The following RBFOX1 variants were observed in gnomAD, a reference collection of about 807,000 sequenced individuals.
RBFOX1 encodes RNA binding protein fox-1 homolog 1.
RBFOX1 carries 8 observed loss-of-function variants against 57.7 expected under a neutral mutation model. The observed-to-expected ratio is 0.14, with a 90% CI of 0.08 to 0.25. The LOEUF is 0.25. Ranked by LOEUF, RBFOX1 falls within the 10% of genes least tolerant of loss-of-function variation. RBFOX1 has a pLI of 1.00. For missense variants in RBFOX1, 611 were observed against 548.5 expected (o/e 1.11, Z -1.14); for synonymous variants, 326 against 222.4 (o/e 1.47, Z -4.15).
At chr16:6,669,841 C>T (rs2098753196) in intron 3 of RBFOX1, among the ~76,000 whole-genome samples, 1 of 152,132 alleles carries the variant, frequency 6.6e-6, no homozygotes, top group South Asian at 2.1e-4. Context: ...TCACCATGAG[C>T]CAGGCAGGCA....
rs146072038 is a variant in RBFOX1, at chr16:6,290,103, G to A, written c.-126-26892G>A. Among the ~76,000 whole-genome samples the A allele has an allele frequency of 3.8e-3, 575 of 152,014 alleles. 1 individual carries two copies. Among genetic ancestry groups the A allele is most frequent in the African/African-American group, 0.013 (549 of 41,496 alleles). On this transcript the variant is annotated intron_variant, in intron 1 of 15. Transcript: ENST00000550418. Reference sequence around the variant, plus strand: ...AGCATTTTTTGACAGTGGAGGAGGAGGGGTATGTAGCTTGGATCGTTGTAT... The same window carrying A: ...AGCATTTTTTGACAGTGGAGGAGGAAGGGTATGTAGCTTGGATCGTTGTAT...
At chr16:7,230,112 A>G (rs1197143630) in intron 4 of RBFOX1, among the ~76,000 whole-genome samples, 2 of 148,642 alleles carry the variant, frequency 1.3e-5, no homozygotes, top group East Asian at 4.1e-4. Flanking sequence ...GAAGGAAGGG[A>G]GAGATGGAAA....
chr16:5,546,341 C>G (rs1328904651), intron 2 of RBFOX1, among the ~76,000 whole-genome samples: 1 of 151,996 alleles, frequency 6.6e-6, no homozygotes, highest in East Asian at 1.9e-4. Flanking sequence ...TTTATACAGA[C>G]AATGAAAGAC....
chr16:5,931,474 G>A (rs1042224952), intron 4 of RBFOX1, among the ~76,000 whole-genome samples: 6 of 152,122 alleles, frequency 3.9e-5, no homozygotes, highest in Admixed American at 3.3e-4. Context: ...AACAGAGAAG[G>A]AGAGTGGTTT....
At chr16:5,926,417 TG>T (rs1435167387) in intron 4 of RBFOX1, among the ~76,000 whole-genome samples, 1 of 152,044 alleles carries the variant, frequency 6.6e-6, no homozygotes, top group Non-Finnish European at 1.5e-5. Flanking sequence ...AGTTGTTAGC[TG>T]ACTGGGGGGT....
chr16:6,345,977 A>G (rs527500234), intron 2 of RBFOX1, among the ~76,000 whole-genome samples: 1 of 152,198 alleles, frequency 6.6e-6, no homozygotes, highest in South Asian at 2.1e-4. Flanking sequence ...GGGGGATTCC[A>G]GGTCACAGAT....
intron 1 of RBFOX1, among the ~76,000 whole-genome samples, chr16:6,189,154 T>C (rs1466163649): frequency 1.3e-5 from 2 of 152,246 alleles, no homozygotes; most frequent in Admixed American, 6.5e-5. Context: ...GCAATTGTTT[T>C]GCTTACCAGC....
At chr16:7,697,899 G>C (rs1245990419) in intron 14 of RBFOX1, among the ~76,000 whole-genome samples, 1 of 152,158 alleles carries the variant, frequency 6.6e-6, no homozygotes, top group East Asian at 1.9e-4. Context: ...TGTTCCACTG[G>C]AATTTTATTT....
chr16:7,709,092 C>T lies in RBFOX1; in HGVS notation c.1032C>T (p.His344=), dbSNP rs534312610. ...GRVYAADPYH[H]ALAPAPTYGV... ...TTTATGCTGCCGACCCCTACCACCA[C>T]GCACTTGCTCCAGCCCCCACCTACG... The change falls in exon 15 of 16, where the codon CAC becomes CAT. Residue 344 remains histidine, a synonymous_variant. Transcript: ENST00000550418. The T allele has an allele frequency of 3.0e-5, 48 of 1,613,632 alleles. No homozygotes were observed. In the East Asian group the frequency reaches 4.0e-4, roughly 13 times the overall value.
At chr16:7,452,249 G>C (rs946738068) in intron 4 of RBFOX1, among the ~76,000 whole-genome samples, 1 of 152,216 alleles carries the variant, frequency 6.6e-6, no homozygotes, top group East Asian at 1.9e-4. Context: ...AAGCACTTTA[G>C]TAATAGTCTA....
intron 3 of RBFOX1, among the ~76,000 whole-genome samples, chr16:6,874,750 A>G (rs1436792561): frequency 6.6e-6 from 1 of 152,030 alleles, no homozygotes; most frequent in Non-Finnish European, 1.5e-5. Flanking sequence ...ATAAAAAATG[A>G]CATAATGTAC....
At chr16:6,215,386 G>C in intron 1 of RBFOX1, among the ~76,000 whole-genome samples, 1 of 146,086 alleles carries the variant, frequency 6.8e-6, no homozygotes, top group East Asian at 2.1e-4. Flanking sequence ...GAGAGCAGGA[G>C]AGACAGAAGA....
At position 5,936,192 on chromosome 16, in the gene RBFOX1, T is replaced by A. The variant is rs938547613; in HGVS notation, c.351+68857T>A. On this transcript the variant is annotated intron_variant, in intron 4 of 19. Coordinates refer to the RBFOX1 transcript ENST00000641259. Reference sequence around the variant, plus strand: ...AGGCTGGAGTGCCGTGGCGTGATCTTGGCTCACTGCAACTTCTGTCTCCCA... The same window carrying A: ...AGGCTGGAGTGCCGTGGCGTGATCTAGGCTCACTGCAACTTCTGTCTCCCA... 1.1e-4 allele frequency among the ~76,000 whole-genome samples: 17 copies of A among 152,158 alleles called. 1 individual carries two copies. Among genetic ancestry groups the A allele is most frequent in the Admixed American group, 8.5e-4 (13 of 15,276 alleles).
chr16:7,304,304 A>T (rs940649456), intron 4 of RBFOX1: 2 of 985,130 alleles, frequency 2.0e-6, no homozygotes, highest in African/African-American at 3.5e-5. Flanking sequence ...AAAGAAAAAA[A>T]AAAATTGTAG....
chr16:6,219,966 A>C (rs906483589), intron 1 of RBFOX1, among the ~76,000 whole-genome samples: 1 of 152,198 alleles, frequency 6.6e-6, no homozygotes, highest in African/African-American at 2.4e-5. Context: ...ATGTAACATA[A>C]GTATTCAGTA....
chr16:5,898,784 A>T (rs751291930), intron 4 of RBFOX1, among the ~76,000 whole-genome samples: 7 of 151,916 alleles, frequency 4.6e-5, no homozygotes, highest in Non-Finnish European at 8.8e-5. Flanking sequence ...TACTGGTTGC[A>T]CACAGTGGCT....
At chr16:7,572,276 T>C (rs2092863239) in intron 5 of RBFOX1, among the ~76,000 whole-genome samples, 1 of 152,216 alleles carries the variant, frequency 6.6e-6, no homozygotes, top group Non-Finnish European at 1.5e-5. Flanking sequence ...ATTTTATGTA[T>C]ATGCAAATGG....
chr16:6,949,792 T>C (rs2080315830), intron 3 of RBFOX1, among the ~76,000 whole-genome samples: 1 of 147,794 alleles, frequency 6.8e-6, no homozygotes. Flanking sequence ...TTCATTTTCT[T>C]CTGAATTTTT....
chr16:5,712,541 C>T (rs564352288), intron 3 of RBFOX1, among the ~76,000 whole-genome samples: 9 of 152,270 alleles, frequency 5.9e-5, no homozygotes, highest in Middle Eastern at 3.4e-3. Context: ...TGACTGTTAG[C>T]GGCTGGTGTT....
Sources: allele counts gnomAD v4.1 joint callset (sites outside exome capture counted in the v4.1 genomes callset), GRCh38; gene constraint gnomAD v4.1.1; transcripts MANE v1.5; gene names NCBI Gene and HGNC (gene_info 2026-07-23, HGNC 2026-07-21).